SSPN: variants seen among roughly 807,000 people sequenced by gnomAD.
The protein encoded by SSPN is sarcospan, also known as K-ras oncogene-associated protein.
Under a neutral mutation model 19.1 loss-of-function variants are expected in SSPN, and 15 were observed. The observed-to-expected ratio is 0.78, with a 90% CI of 0.52 to 1.21. The LOEUF (loss-of-function observed/expected upper bound fraction) is 1.21. Among genes scored for constraint, SSPN ranks in the 50% most tolerant of loss-of-function variants. The probability of loss-of-function intolerance (pLI) is 0.00; values close to 1 mark genes in which losing one functional copy is unlikely to be tolerated. For synonymous variants in SSPN, 147 were observed against 140.3 expected (o/e 1.05, Z -0.34); for missense variants, 291 against 314.0 (o/e 0.93, Z 0.55).
intron 1 of SSPN, among the ~76,000 whole-genome samples, chr12:26,173,074 T>C (rs1189285785): frequency 2.6e-5 from 4 of 152,212 alleles, no homozygotes; most frequent in African/African-American, 9.6e-5. Context: ...GCTGTTGATT[T>C]GATTTATACA....
At chr12:26,213,810 A>C (rs775069090) in intron 1 of SSPN, among the ~76,000 whole-genome samples, 1 of 152,112 alleles carries the variant, frequency 6.6e-6, no homozygotes, top group Non-Finnish European at 1.5e-5. Flanking sequence ...TAATTGCTAC[A>C]TTCTCCATAG....
intron 1 of SSPN, among the ~76,000 whole-genome samples, chr12:26,145,388 G>A (rs1483536810): frequency 6.6e-6 from 1 of 152,166 alleles, no homozygotes; most frequent in Non-Finnish European, 1.5e-5. Context: ...GGGCTGGTGA[G>A]GGGCTCTGAT....
intron 1 of SSPN, among the ~76,000 whole-genome samples, chr12:26,174,343 A>T (rs142066402): frequency 6.6e-6 from 1 of 152,316 alleles, no homozygotes; most frequent in African/African-American, 2.4e-5. Flanking sequence ...TATCAGCTTT[A>T]TTGAAGTATG....
At chr12:26,193,099 T>C (rs1944798986), upstream of SSPN, among the ~76,000 whole-genome samples, 1 of 152,216 alleles carries the variant, frequency 6.6e-6, no homozygotes, top group Admixed American at 6.5e-5. Flanking sequence ...ATCAAGATAT[T>C]TTTGTAAAGT....
intron 1 of SSPN, among the ~76,000 whole-genome samples, chr12:26,161,971 C>G (rs776326275): frequency 2.6e-5 from 4 of 152,188 alleles, no homozygotes; most frequent in Non-Finnish European, 4.4e-5. Flanking sequence ...TGGATGGGTA[C>G]CAGTCCGTGG....
At chr12:26,149,264 TCCTTGTATTTGTATACATCTA>T (rs553879344) in intron 1 of SSPN, among the ~76,000 whole-genome samples, 6 of 151,358 alleles carry the variant, frequency 4.0e-5, no homozygotes, top group South Asian at 2.1e-4. Flanking sequence ...AATGCTTAAT[TCCTTGTATTTGTATACATCTA>T]CCTTGTATTT....
chr12:26,140,583 G>A (rs1565670332), intron 1 of SSPN, among the ~76,000 whole-genome samples: 1 of 152,188 alleles, frequency 6.6e-6, no homozygotes, highest in Non-Finnish European at 1.5e-5. Context: ...GATCACGAGG[G>A]TGGATTTTCC....
At chr12:26,153,861 A>G (rs1248094238) in intron 1 of SSPN, among the ~76,000 whole-genome samples, 1 of 152,174 alleles carries the variant, frequency 6.6e-6, no homozygotes, top group East Asian at 1.9e-4. Context: ...GAGAACTAGT[A>G]CCTTATGGTC....
chr12:26,129,915 A>T (rs1055078283), intron 1 of SSPN, among the ~76,000 whole-genome samples: 2 of 152,170 alleles, frequency 1.3e-5, no homozygotes, highest in African/African-American at 4.8e-5. Flanking sequence ...CGTGTGCTCA[A>T]AATTCCTGGA....
intron 2 of SSPN, among the ~76,000 whole-genome samples, chr12:26,227,229 A>AT (rs1435136593): frequency 2.0e-5 from 3 of 152,148 alleles, no homozygotes; most frequent in Non-Finnish European, 4.4e-5. Flanking sequence ...TGAAGGAAAA[A>AT]TGCCACAGCG....
intron 1 of SSPN, 115 bp downstream of exon 1, chr12:26,196,066 A>C: frequency 2.2e-6 from 2 of 896,914 alleles, no homozygotes; most frequent in Non-Finnish European, 3.1e-6. Context: ...CACTCTTCTA[A>C]CTCGCGCTCT....
In SSPN at chr12:26,211,911, G is replaced by T. The variant is rs1246255783; in HGVS notation, c.280-12382G>T. Among the ~76,000 whole-genome samples, 3 of 152,160 alleles carry T rather than the reference G, an allele frequency of 2.0e-5. No homozygotes were observed. The South Asian group carries it at 6.2e-4, about 31-fold the overall frequency. ...AAAACCTACCACTTTGAATTAGAAA[G>T]CATGTATCTAGCCATACAAAGCGCT... On this transcript the variant is annotated intron_variant, in intron 1 of 2. Transcript: ENST00000242729.
intron 1 of SSPN, among the ~76,000 whole-genome samples, chr12:26,152,264 T>A (rs1036462104): frequency 2.0e-5 from 3 of 152,164 alleles, no homozygotes; most frequent in Non-Finnish European, 4.4e-5. Context: ...TTATGTAATA[T>A]TTCCACCAAA....
At chr12:26,124,320 T>C in intron 1 of SSPN, 1 of 642,864 alleles carries the variant, frequency 1.6e-6, no homozygotes, top group Non-Finnish European at 2.6e-6. Flanking sequence ...CTCTTTCCTC[T>C]GGACTGTTCT....
At chr12:26,147,928 A>G (rs1565672053) in intron 1 of SSPN, among the ~76,000 whole-genome samples, 1 of 152,188 alleles carries the variant, frequency 6.6e-6, no homozygotes. Flanking sequence ...TCTTGTTAGA[A>G]ATATTGTAGT....
intron 1 of SSPN, chr12:26,125,040 C>T: frequency 1.8e-6 from 1 of 566,976 alleles, no homozygotes; most frequent in Non-Finnish European, 3.2e-6. Context: ...AGTGTTTGGC[C>T]ACAGGGCACG....
intron 1 of SSPN, among the ~76,000 whole-genome samples, chr12:26,144,386 G>A (rs112465554): frequency 5.3e-5 from 8 of 152,200 alleles, no homozygotes; most frequent in African/African-American, 1.9e-4. Flanking sequence ...GGAGAGTTTG[G>A]TGCCTAAACT....
intron 1 of SSPN, among the ~76,000 whole-genome samples, chr12:26,145,471 A>G (rs748813840): frequency 6.6e-6 from 1 of 152,160 alleles, no homozygotes; most frequent in Non-Finnish European, 1.5e-5. Flanking sequence ...GGAATTGGGG[A>G]AAAGTACAGG....
rs1255738243 is a variant in SSPN, at chr12:26,232,956, G to T, written c.*1880G>T. On this transcript the variant is annotated 3_prime_UTR_variant, in exon 3 of 3. Coordinates refer to ENST00000242729, the MANE Select transcript of SSPN (RefSeq NM_005086.5). ...TATTAAAAAAAAAAAAAAAAAAAAA[G>T]CCAGTAACTGAATCCATTTTGATTT... 3.6e-5 allele frequency: 1 copy of T among 27,550 alleles called. No homozygotes were observed. Among genetic ancestry groups the T allele is most frequent in the African/African-American group, 1.4e-4 (1 of 7,054 alleles). The allele number at this position is 27,550 out of a possible 1,614,324, so 1.7% of individuals were successfully genotyped here. A position where few individuals can be genotyped will look rare whatever the true frequency, so the allele number is the denominator to read the frequency against.
Sources: allele counts gnomAD v4.1 joint callset (sites outside exome capture counted in the v4.1 genomes callset), GRCh38; gene constraint gnomAD v4.1.1; transcripts MANE v1.5; gene names NCBI Gene and HGNC (gene_info 2026-07-23, HGNC 2026-07-21).